Variants in RCC1L observed in about 807,000 individuals in gnomAD.
The protein encoded by RCC1L is RCC1 like.
A neutral mutation model predicts 58.6 loss-of-function variants in RCC1L; 46 were observed. The observed-to-expected ratio is 0.79, with a 90% CI of 0.62 to 1.00. RCC1L has a LOEUF of 1.00. RCC1L is among the 50% of genes least tolerant of loss of function. RCC1L has a pLI of 0.00. For missense variants in RCC1L, 636 were observed against 623.6 expected (o/e 1.02, Z -0.21); for synonymous variants, 281 against 262.9 (o/e 1.07, Z -0.67).
chr7:75,063,268 C>A, intron 5 of RCC1L, 24 bp downstream of exon 5: 4 of 1,613,826 alleles, frequency 2.5e-6, no homozygotes, highest in Non-Finnish European at 3.4e-6. Flanking sequence ...ACACAACAAG[C>A]AGCTCTCGGC....
intron 8 of RCC1L, chr7:75,056,423 C>G (rs997598658): frequency 1.7e-6 from 2 of 1,166,746 alleles, no homozygotes; most frequent in African/African-American, 3.1e-5. Flanking sequence ...TGTTTTCTCC[C>G]CCTAATGACA....
chr7:75,035,939 A>T (rs1805422761), intron 10 of RCC1L, among the ~76,000 whole-genome samples: 1 of 151,958 alleles, frequency 6.6e-6, no homozygotes, highest in South Asian at 2.1e-4. Flanking sequence ...CAGGAGTTCA[A>T]GGCCGCAAGG....
chr7:75,041,242 A>AACTAAC (rs1584487598), downstream of RCC1L, among the ~76,000 whole-genome samples: 2 of 100,178 alleles, frequency 2.0e-5, no homozygotes, highest in Non-Finnish European at 4.6e-5. Context: ...AACTAACTAA[A>AACTAAC]TAAATAAAGG....
At chr7:75,056,428 A>G in intron 8 of RCC1L, 1 of 1,218,322 alleles carries the variant, frequency 8.2e-7, no homozygotes, top group Non-Finnish European at 1.1e-6. Flanking sequence ...TCTCCCCCTA[A>G]TGACAGCTCT....
At chr7:75,050,292 TAATAA>T (rs1246482535) in intron 10 of RCC1L, among the ~76,000 whole-genome samples, 1 of 151,794 alleles carries the variant, frequency 6.6e-6, no homozygotes, top group Non-Finnish European at 1.5e-5. Flanking sequence ...AAAACAATAA[TAATAA>T]AATAAAAATA....
In RCC1L at chr7:75,073,588, G is replaced by C; in HGVS notation, c.150C>G (p.Tyr50Ter). The change falls in exon 1 of 11, where the codon TAC becomes TAG. Residue 50 changes from tyrosine to a stop codon, truncating the protein, a stop_gained. Transcript: ENST00000610322. LOFTEE classifies it high-confidence loss of function. ...CGGCGCGGGCAGCGCGCTCGCCCAC[G>C]TACTGGACCACGGGCACCTCCGCCT... is the stretch of plus-strand genomic sequence containing the variant. ...EAEAEVPVVQ[Y>*]VGERAARADR... The C allele has an allele frequency of 6.5e-7, 1 of 1,530,606 alleles. No homozygotes were observed. The highest frequency in any genetic ancestry group is 8.7e-7 in the Non-Finnish European group (1 of 1,149,742). 94.8% of individuals were successfully genotyped at this position (1,530,606 alleles called of 1,614,324 possible).
At chr7:75,067,598 C>T (rs139589348) in intron 2 of RCC1L, among the ~76,000 whole-genome samples, 1 of 152,176 alleles carries the variant, frequency 6.6e-6, no homozygotes, top group African/African-American at 2.4e-5. Context: ...CCACTGCACT[C>T]CAGCCTTCTG....
intron 10 of RCC1L, among the ~76,000 whole-genome samples, chr7:75,033,960 T>C (rs1805375372): frequency 6.6e-6 from 1 of 152,186 alleles, no homozygotes; most frequent in South Asian, 2.1e-4. Flanking sequence ...GGTTTTGTCA[T>C]GTGAATTTCA....
At chr7:75,052,573 G>A (rs1805945488) in intron 10 of RCC1L, 138 bp downstream of exon 10, 1 of 756,918 alleles carries the variant, frequency 1.3e-6, no homozygotes, top group African/African-American at 1.7e-5. Context: ...CCGCGCTGCA[G>A]GAGTGCAGCC....
intron 1 of RCC1L, 38 bp downstream of exon 1, chr7:75,073,374 AAG>A (rs1554446429): frequency 2.2e-6 from 2 of 919,888 alleles, no homozygotes; most frequent in Non-Finnish European, 3.0e-6. Flanking sequence ...GGGAGCGCGG[AAG>A]AGAGAGAAGG....
At chr7:75,039,895 A>C (rs1805514364), downstream of RCC1L, among the ~76,000 whole-genome samples, 1 of 152,150 alleles carries the variant, frequency 6.6e-6, no homozygotes, top group Non-Finnish European at 1.5e-5. Context: ...CTAATGGCAT[A>C]GTAGGGTTTC....
chr7:75,050,910 A>T (rs1805884500), intron 10 of RCC1L, among the ~76,000 whole-genome samples: 1 of 152,054 alleles, frequency 6.6e-6, no homozygotes, highest in African/African-American at 2.4e-5. Context: ...TGGGCAACAT[A>T]GTGAGACTCC....
In RCC1L at chr7:75,042,998, C is replaced by T; in HGVS notation, c.*34G>A. On this transcript the variant is annotated 3_prime_UTR_variant, in exon 11 of 11. Transcript: ENST00000610322. Reference sequence around the variant, plus strand: ...CTCTGCCAAGGAGTGCCAGTGGTTCCCGGGACGGGGCCGCCCAAGCAGGTG... The same window carrying T: ...CTCTGCCAAGGAGTGCCAGTGGTTCTCGGGACGGGGCCGCCCAAGCAGGTG... 1 of 1,613,988 alleles carries T rather than the reference C, an allele frequency of 6.2e-7. No homozygotes were observed. Among genetic ancestry groups the T allele is most frequent in the South Asian group, 1.1e-5 (1 of 91,076 alleles).
chr7:75,032,006 G>A (rs1295628293), intron 10 of RCC1L, among the ~76,000 whole-genome samples: 1 of 152,236 alleles, frequency 6.6e-6, no homozygotes, highest in Non-Finnish European at 1.5e-5. Flanking sequence ...GTCCAGGTTA[G>A]AAACCAAAGT....
At chr7:75,056,845 G>T in intron 8 of RCC1L, 1 of 995,730 alleles carries the variant, frequency 1.0e-6, no homozygotes, top group South Asian at 1.4e-5. Flanking sequence ...TTGAAACAGG[G>T]TCTCACCGTG....
At chr7:75,069,113 C>T (rs766640241) in intron 2 of RCC1L, among the ~76,000 whole-genome samples, 11 of 152,110 alleles carry the variant, frequency 7.2e-5, no homozygotes, top group Non-Finnish European at 1.6e-4. Flanking sequence ...GTGATCCACC[C>T]GCCTCGGCCT....
intron 10 of RCC1L, among the ~76,000 whole-genome samples, chr7:75,051,341 TATATACACACACAC>T (rs1805906136): frequency 6.7e-6 from 1 of 149,536 alleles, no homozygotes; most frequent in African/African-American, 2.5e-5. Flanking sequence ...CACACACATA[TATATACACACACAC>T]ATATATATAC....
intron 10 of RCC1L, among the ~76,000 whole-genome samples, chr7:75,030,162 G>A (rs1302346173): frequency 6.6e-6 from 1 of 152,232 alleles, no homozygotes; most frequent in African/African-American, 2.4e-5. Flanking sequence ...GGAAGTGCAG[G>A]GTGGCCTGTG....
At position 75,042,748 on chromosome 7, in the gene RCC1L, C is replaced by CG; in HGVS notation, c.*283dup. The CG allele has an allele frequency of 7.3e-7, 1 of 1,365,808 alleles. No individual in the cohort carries two copies. 84.6% of individuals were successfully genotyped at this position (1,365,808 alleles called of 1,614,324 possible). A position where few individuals can be genotyped will look rare whatever the true frequency, so the allele number is the denominator to read the frequency against. On this transcript the variant is annotated 3_prime_UTR_variant, in exon 11 of 11. Coordinates refer to ENST00000610322, the MANE Select transcript of RCC1L (RefSeq NM_030798.5). ...TCAGGCGAGACGTGACACCAGACACCGTCGCATGTTACTTGGAGAGAACAG... is the reference window on the plus strand; with the variant it reads ...TCAGGCGAGACGTGACACCAGACACCGGTCGCATGTTACTTGGAGAGAACAG...
Sources: gnomAD v4.1 joint callset for allele counts (sites outside exome capture counted in the v4.1 genomes callset) on GRCh38, gnomAD v4.1.1 for gene constraint, MANE v1.5 for transcripts, NCBI Gene and HGNC (gene_info 2026-07-23, HGNC 2026-07-21) for gene names.